The following GPC6 variants were observed in gnomAD, a reference collection of about 807,000 sequenced individuals.
GPC6 encodes the protein glypican 6.
Under a neutral mutation model 55.2 loss-of-function variants are expected in GPC6, and 14 were observed. The observed-to-expected ratio is 0.25, with a 90% confidence interval of 0.17 to 0.40. The LOEUF (loss-of-function observed/expected upper bound fraction) is 0.40, where lower values mean the gene tolerates loss of function less well. GPC6 is among the 10% of genes least tolerant of loss of function. The pLI is 1.00. For missense variants in GPC6, 641 were observed against 708.5 expected, an observed-to-expected ratio of 0.90 and a Z score of 1.08; for synonymous variants, 278 against 259.6, an observed-to-expected ratio of 1.07 and a Z score of -0.68.
chr13:94,230,584 A>G (rs899458481), intron 4 of GPC6, among the ~76,000 whole-genome samples: 1 of 152,092 alleles, frequency 6.6e-6, no homozygotes, highest in African/African-American at 2.4e-5. Context: ...CATCTAATCC[A>G]AGAAGGGTAT....
chr13:93,324,630 A>C (rs1319792034), intron 1 of GPC6, among the ~76,000 whole-genome samples: 2 of 145,852 alleles, frequency 1.4e-5, no homozygotes, highest in African/African-American at 2.5e-5. Flanking sequence ...TGAGCAGCCT[A>C]GACAACAAAA....
intron 4 of GPC6, among the ~76,000 whole-genome samples, chr13:94,220,810 G>A (rs915813267): frequency 3.3e-5 from 5 of 152,038 alleles, no homozygotes; most frequent in Admixed American, 2.6e-4. Context: ...TAGTCTTGTT[G>A]AATTGGGGGC....
chr13:94,287,749 A>G (rs1892569195), intron 5 of GPC6, among the ~76,000 whole-genome samples: 1 of 152,274 alleles, frequency 6.6e-6, no homozygotes, highest in Middle Eastern at 3.4e-3. Context: ...AAAAATAGCA[A>G]TCATCCATTC....
At chr13:93,442,799 T>C (rs1877853513) in intron 1 of GPC6, among the ~76,000 whole-genome samples, 1 of 151,982 alleles carries the variant, frequency 6.6e-6, no homozygotes, top group Admixed American at 6.6e-5. Context: ...AGTGTATATA[T>C]ATATTTTTAT....
At chr13:93,654,312 G>A (rs1842326438) in intron 2 of GPC6, among the ~76,000 whole-genome samples, 1 of 151,938 alleles carries the variant, frequency 6.6e-6, no homozygotes, top group African/African-American at 2.4e-5. Flanking sequence ...GGAGTGCAGT[G>A]GCGCCATCTT....
At chr13:93,630,231 C>T (rs1879373342) in intron 2 of GPC6, among the ~76,000 whole-genome samples, 1 of 152,168 alleles carries the variant, frequency 6.6e-6, no homozygotes, top group Non-Finnish European at 1.5e-5. Context: ...CAATAATTCT[C>T]AACAGATCCT....
chr13:93,834,714 A>G (rs1261146999), intron 3 of GPC6, among the ~76,000 whole-genome samples: 1 of 152,150 alleles, frequency 6.6e-6, no homozygotes, highest in Non-Finnish European at 1.5e-5. Context: ...TGTAACTACA[A>G]TTGAGTCCCT....
At chr13:93,634,406 GT>G (rs1211677726) in intron 2 of GPC6, among the ~76,000 whole-genome samples, 2 of 152,144 alleles carry the variant, frequency 1.3e-5, no homozygotes, top group African/African-American at 2.4e-5. Flanking sequence ...CCAGTGAAAG[GT>G]GCCAGGTTAG....
chr13:93,301,797 G>C (rs1305408576), intron 1 of GPC6, among the ~76,000 whole-genome samples: 2 of 152,140 alleles, frequency 1.3e-5, no homozygotes, highest in East Asian at 3.9e-4. Flanking sequence ...GCCTTGACTA[G>C]TGGACGGTCT....
At chr13:93,889,668 C>T (rs1263774464) in intron 3 of GPC6, among the ~76,000 whole-genome samples, 2 of 152,046 alleles carry the variant, frequency 1.3e-5, no homozygotes, top group Non-Finnish European at 2.9e-5. Context: ...CCATTGAGCA[C>T]CTGTTTTCAT....
intron 4 of GPC6, among the ~76,000 whole-genome samples, chr13:94,059,570 A>G (rs1356003086): frequency 6.6e-6 from 1 of 151,968 alleles, no homozygotes; most frequent in Non-Finnish European, 1.5e-5. Flanking sequence ...TTCTTAGTCT[A>G]TTTGGTTTGC....
At chr13:93,531,033 A>G (rs1298962078) in intron 1 of GPC6, among the ~76,000 whole-genome samples, 1 of 152,152 alleles carries the variant, frequency 6.6e-6, no homozygotes, top group East Asian at 1.9e-4. Context: ...ACTGACGGAT[A>G]CTGAAAAGGG....
intron 3 of GPC6, among the ~76,000 whole-genome samples, chr13:93,991,258 T>C (rs1435565282): frequency 3.3e-5 from 5 of 152,190 alleles, no homozygotes; most frequent in Admixed American, 3.3e-4. Flanking sequence ...ATTCACTCAG[T>C]TAATTTAAGA....
intron 2 of GPC6, among the ~76,000 whole-genome samples, chr13:93,746,324 T>C (rs148043911): frequency 6.6e-6 from 1 of 152,158 alleles, no homozygotes. Flanking sequence ...TATTTAATGT[T>C]GATAAACTGA....
chr13:93,273,292 G>T (rs1165244172), intron 1 of GPC6, among the ~76,000 whole-genome samples: 2 of 152,126 alleles, frequency 1.3e-5, no homozygotes, highest in East Asian at 3.9e-4. Flanking sequence ...TAATCCATTA[G>T]TATTATTTCA....
intron 4 of GPC6, among the ~76,000 whole-genome samples, chr13:94,142,443 T>C (rs1326908037): frequency 6.6e-6 from 1 of 152,238 alleles, no homozygotes; most frequent in African/African-American, 2.4e-5. Context: ...TGGAGGGTTC[T>C]GAAAAGTGTG....
intron 2 of GPC6, among the ~76,000 whole-genome samples, chr13:93,795,568 T>G (rs763997758): frequency 2.0e-5 from 3 of 152,148 alleles, no homozygotes; most frequent in Non-Finnish European, 4.4e-5. Flanking sequence ...CTAAACAAAT[T>G]AACAAAAGGA....
At chr13:93,686,166 T>A (rs1882038613) in intron 2 of GPC6, among the ~76,000 whole-genome samples, 1 of 152,296 alleles carries the variant, frequency 6.6e-6, no homozygotes, top group East Asian at 1.9e-4. Context: ...TGATTTTGTT[T>A]ATATCACATC....
intron 4 of GPC6, among the ~76,000 whole-genome samples, chr13:94,138,796 G>A (rs773478928): frequency 1.3e-4 from 20 of 152,140 alleles, no homozygotes; most frequent in Admixed American, 7.2e-4. Flanking sequence ...TAGCGACAAG[G>A]ATGGCAGAAG....
Sources: allele counts gnomAD v4.1 joint callset (sites outside exome capture counted in the v4.1 genomes callset), GRCh38; gene constraint gnomAD v4.1.1; transcripts MANE v1.5; gene names NCBI Gene and HGNC (gene_info 2026-07-23, HGNC 2026-07-21).